Variants in STAU2 observed in about 807,000 individuals in gnomAD.
The protein encoded by STAU2 is double-stranded RNA-binding protein Staufen homolog 2.
In STAU2, 20 loss-of-function variants were observed where a neutral mutation model predicts 65.9. That is an observed-to-expected ratio of 0.30 (90% CI 0.21 to 0.44). STAU2 has a LOEUF of 0.44. STAU2 is among the 20% of genes least tolerant of loss of function. STAU2 has a pLI of 1.00. For missense variants in STAU2, 558 were observed against 683.9 expected (o/e 0.82, Z 2.05); for synonymous variants, 232 against 233.9 (o/e 0.99, Z 0.07).
Position 73,627,755 on chromosome 8 carries a change from TAAA to T in STAU2, c.411-10307_411-10305del, listed in dbSNP as rs10540688. Among the ~76,000 whole-genome samples, 194 of 143,922 alleles carry T rather than the reference TAAA, an allele frequency of 1.3e-3. 1 individual carries two copies. The highest frequency in any genetic ancestry group is 2.0e-3 in the South Asian group (9 of 4,488). The allele number at this position is 143,922 out of a possible 152,430, so 94.4% of individuals were successfully genotyped here. A position where few individuals can be genotyped will look rare whatever the true frequency, so the allele number is the denominator to read the frequency against. On this transcript the variant is annotated intron_variant, in intron 6 of 14. Transcript: ENST00000524300. ...CTAGTAAATACTCATTAAACCTTGTTAAAAAAAAAAAAAAAACACTGACAGTGT... is the reference window on the plus strand; with the variant it reads ...CTAGTAAATACTCATTAAACCTTGTTAAAAAAAAAAAAACACTGACAGTGT...
chr8:73,608,626 G>A (rs1393984329), intron 9 of STAU2, among the ~76,000 whole-genome samples: 4 of 122,730 alleles, frequency 3.3e-5, no homozygotes, highest in Non-Finnish European at 5.3e-5. Context: ...AAAAAAAAAA[G>A]AAAAAGAAAA....
chr8:73,521,574 A>G (rs1439797526), intron 13 of STAU2, among the ~76,000 whole-genome samples: 1 of 152,196 alleles, frequency 6.6e-6, no homozygotes, highest in Non-Finnish European at 1.5e-5. Context: ...TCAACTTATG[A>G]TTTTTTGACT....
intron 11 of STAU2, chr8:73,590,561 C>G (rs1002173780): frequency 1.3e-5 from 2 of 152,196 alleles, no homozygotes; most frequent in African/African-American, 4.8e-5. Context: ...AGAGCAGTCA[C>G]TGAAGAGCAG....
At chr8:73,674,843 C>A (rs1413898217) in intron 5 of STAU2, among the ~76,000 whole-genome samples, 1 of 151,666 alleles carries the variant, frequency 6.6e-6, no homozygotes, top group Non-Finnish European at 1.5e-5. Flanking sequence ...GAAATCCTAA[C>A]TGAAAATATA....
At chr8:73,687,223 C>T (rs1464813509) in intron 5 of STAU2, among the ~76,000 whole-genome samples, 2 of 130,340 alleles carry the variant, frequency 1.5e-5, no homozygotes, top group Non-Finnish European at 3.1e-5. Flanking sequence ...TAAATATAAA[C>T]TTAAATATAA....
At chr8:73,475,785 C>T (rs1820293691) in intron 13 of STAU2, among the ~76,000 whole-genome samples, 1 of 152,140 alleles carries the variant, frequency 6.6e-6, no homozygotes, top group African/African-American at 2.4e-5. Context: ...TGCGTATGGC[C>T]ATGCAAATAT....
intron 11 of STAU2, among the ~76,000 whole-genome samples, chr8:73,587,866 A>G (rs934913986): frequency 6.6e-6 from 1 of 152,204 alleles, no homozygotes; most frequent in African/African-American, 2.4e-5. Context: ...TTTAAATTAT[A>G]AACCTTGAGT....
At chr8:73,674,521 G>A (rs2130422805) in intron 5 of STAU2, among the ~76,000 whole-genome samples, 1 of 151,938 alleles carries the variant, frequency 6.6e-6, no homozygotes, top group East Asian at 1.9e-4. Context: ...AAACCTAATT[G>A]ATTGGTGGCC....
At chr8:73,461,267 A>C (rs952206931) in intron 13 of STAU2, among the ~76,000 whole-genome samples, 10 of 152,208 alleles carry the variant, frequency 6.6e-5, no homozygotes, top group Admixed American at 3.3e-4. Context: ...TATTACACAG[A>C]TATACACGAC....
intron 6 of STAU2, among the ~76,000 whole-genome samples, chr8:73,665,649 A>G (rs535695165): frequency 1.3e-5 from 2 of 152,326 alleles, no homozygotes; most frequent in South Asian, 4.1e-4. Context: ...ATCAGTATAC[A>G]AGCACCATCT....
rs576804542 is a variant in STAU2, at chr8:73,715,502, T to C, written c.-17-6340A>G. ...AAGAAAAATTCAAATTCCAGTGATA[T>C]ATAATTTTCCCCTATTAGACTGATA... On this transcript the variant is annotated intron_variant, in intron 3 of 14. Transcript: ENST00000524300. Among the ~76,000 whole-genome samples, 5 of 151,496 alleles carry C rather than the reference T, an allele frequency of 3.3e-5. No homozygotes were observed. The South Asian group carries it at 6.3e-4, about 19-fold the overall frequency.
At chr8:73,536,713 C>T (rs990318436) in intron 13 of STAU2, among the ~76,000 whole-genome samples, 1 of 152,068 alleles carries the variant, frequency 6.6e-6, no homozygotes, top group African/African-American at 2.4e-5. Flanking sequence ...GGACTTTCAC[C>T]CCCACCCAGC....
intron 4 of STAU2, among the ~76,000 whole-genome samples, chr8:73,701,769 A>G (rs1057112545): frequency 1.3e-5 from 2 of 152,188 alleles, no homozygotes; most frequent in African/African-American, 2.4e-5. Context: ...TGTTGAAAAG[A>G]TATCTACACT....
At chr8:73,556,440 T>C (rs926343528) in intron 12 of STAU2, among the ~76,000 whole-genome samples, 2 of 152,186 alleles carry the variant, frequency 1.3e-5, no homozygotes, top group African/African-American at 4.8e-5. Flanking sequence ...TCTTGTTTCC[T>C]ATTTTGGTAT....
At chr8:73,732,054 T>G (rs1806108045) in intron 3 of STAU2, among the ~76,000 whole-genome samples, 2 of 152,212 alleles carry the variant, frequency 1.3e-5, no homozygotes, top group East Asian at 3.8e-4. Flanking sequence ...GCTCAGGATC[T>G]CTCATGAGGT....
intron 13 of STAU2, among the ~76,000 whole-genome samples, chr8:73,520,526 A>G (rs896808989): frequency 6.6e-6 from 1 of 152,180 alleles, no homozygotes; most frequent in African/African-American, 2.4e-5. Flanking sequence ...CTCAACAACT[A>G]CTTCACCCCA....
intron 13 of STAU2, among the ~76,000 whole-genome samples, chr8:73,434,324 G>A (rs148414160): frequency 6.6e-6 from 1 of 151,858 alleles, no homozygotes; most frequent in Non-Finnish European, 1.5e-5. Context: ...AGGCAGTGCT[G>A]ACTCCTGATT....
chr8:73,718,542 G>A (rs1821417950), intron 3 of STAU2, among the ~76,000 whole-genome samples: 1 of 152,172 alleles, frequency 6.6e-6, no homozygotes, highest in Non-Finnish European at 1.5e-5. Context: ...ATATACATGT[G>A]CACTGGGTGA....
chr8:73,426,891 C>T (rs1816862283), intron 13 of STAU2, among the ~76,000 whole-genome samples: 3 of 151,202 alleles, frequency 2.0e-5, no homozygotes, highest in Non-Finnish European at 4.4e-5. Context: ...CCTAAAATTG[C>T]ATTTCTGAGC....
Sources: allele counts gnomAD v4.1 joint callset (sites outside exome capture counted in the v4.1 genomes callset), GRCh38; gene constraint gnomAD v4.1.1; transcripts MANE v1.5; gene names NCBI Gene and HGNC (gene_info 2026-07-23, HGNC 2026-07-21).